The following WDR27 variants were observed in gnomAD, a reference collection of about 807,000 sequenced individuals.
The protein encoded by WDR27 is WD repeat-containing protein 27.
WDR27 carries 100 observed loss-of-function variants against 114.4 expected under a neutral mutation model. That is an observed-to-expected ratio of 0.87 (90% confidence interval 0.74 to 1.03). The LOEUF (loss-of-function observed/expected upper bound fraction) is 1.03, where lower values mean the gene tolerates loss of function less well. Ranked by LOEUF, WDR27 falls within the 50% of genes least tolerant of loss-of-function variation. The pLI, the probability that WDR27 is intolerant of heterozygous loss-of-function variation, is 0.00. For synonymous variants in WDR27, 449 were observed against 423.1 expected (o/e 1.06, Z -0.75); for missense variants, 1,129 against 1,092.9 (o/e 1.03, Z -0.47).
chr6:169,498,613 T>C (rs539509913), intron 25 of WDR27, among the ~76,000 whole-genome samples: 2 of 152,286 alleles, frequency 1.3e-5, no homozygotes, highest in African/African-American at 4.8e-5. Context: ...TTGGTCTCCA[T>C]CAGAATCAAA....
At chr6:169,616,766 A>G (rs901488463) in intron 21 of WDR27, among the ~76,000 whole-genome samples, 2 of 152,170 alleles carry the variant, frequency 1.3e-5, no homozygotes, top group African/African-American at 4.8e-5. Context: ...ATACCAAGAA[A>G]ATCAATACTA....
At chr6:169,626,830 A>T (rs150521964) in intron 21 of WDR27, among the ~76,000 whole-genome samples, 94 of 152,340 alleles carry the variant, frequency 6.2e-4, no homozygotes, top group Non-Finnish European at 1.0e-3. Context: ...TGTGTAAAAC[A>T]GATAAAGGCA....
At chr6:169,563,437 G>T (rs1076684) in intron 25 of WDR27, among the ~76,000 whole-genome samples, 2,464 of 152,238 alleles carry the variant, frequency 0.016, 62 homozygotes, top group African/African-American at 0.057. Flanking sequence ...ACCCAACTTG[G>T]CTTCAACTCC....
chr6:169,540,474 G>C (rs1390926853), intron 25 of WDR27, among the ~76,000 whole-genome samples: 1 of 151,302 alleles, frequency 6.6e-6, no homozygotes, highest in Non-Finnish European at 1.5e-5. Flanking sequence ...CTGTCACCCA[G>C]GCTGGAGTGC....
the WDR27 span, among the ~76,000 whole-genome samples, chr6:169,436,945 C>T: frequency 5.3e-5 from 8 of 151,816 alleles, no homozygotes; most frequent in Non-Finnish European, 8.8e-5. Context: ...AAATTTCTTC[C>T]TGGGTATTTA....
rs759741353 is a variant in WDR27 at position 169,659,083 on chromosome 6, T to C, written c.1319+3A>G. On this transcript the variant is annotated splice_donor_region_variant and intron_variant, in intron 12 of 25. Coordinates refer to ENST00000448612, the MANE Select transcript of WDR27 (RefSeq NM_182552.5). This position sits in a 1 kb window ranked among gnomAD's most constrained non-coding sequence, Gnocchi z 4.3. ...ACACACTCCACACTTGAAGACACTC[T>C]ACCTGGCTGGCACCGAGAGGCTCTG... The C allele has an allele frequency of 2.6e-6, 4 of 1,544,606 alleles. No homozygotes were observed. Among genetic ancestry groups the C allele is most frequent in the Non-Finnish European group, 3.5e-6 (4 of 1,148,318 alleles).
chr6:169,451,917 CT>C, the WDR27 span, among the ~76,000 whole-genome samples: 1 of 152,090 alleles, frequency 6.6e-6, no homozygotes, highest in African/African-American at 2.4e-5. Context: ...TAACACACGT[CT>C]TTTGGCTGAT....
chr6:169,648,387 A>G (rs1473221519), intron 15 of WDR27, among the ~76,000 whole-genome samples: 1 of 152,240 alleles, frequency 6.6e-6, no homozygotes, highest in African/African-American at 2.4e-5. Context: ...AATGCAGAAG[A>G]GCCAGCGTGC....
chr6:169,452,533 CCG>C (rs1784196086), downstream of WDR27, among the ~76,000 whole-genome samples: 5 of 72,328 alleles, frequency 6.9e-5, no homozygotes, highest in East Asian at 6.5e-4. Context: ...CAGAGAGGAG[CCG>C]TGCGTGGGGT....
At chr6:169,559,802 T>A (rs902599923) in intron 25 of WDR27, 2 of 152,208 alleles carry the variant, frequency 1.3e-5, no homozygotes, top group Admixed American at 1.3e-4. Flanking sequence ...GGTGCGTAGG[T>A]GGGCACCATG....
At chr6:169,583,063 C>G in intron 23 of WDR27, 129 bp from the exon 24 acceptor site, 1 of 696,726 alleles carries the variant, frequency 1.4e-6, no homozygotes, top group South Asian at 1.9e-5. Flanking sequence ...AACCAAGATG[C>G]CTGACAAAAC....
chr6:169,628,870 G>C (rs1374122500), intron 21 of WDR27, among the ~76,000 whole-genome samples: 1 of 152,180 alleles, frequency 6.6e-6, no homozygotes, highest in African/African-American at 2.4e-5. Context: ...CAAAAGAACT[G>C]TGTGAGAGTA....
chr6:169,475,310 C>G (rs1562464886), intron 25 of WDR27, among the ~76,000 whole-genome samples: 3 of 152,180 alleles, frequency 2.0e-5, no homozygotes, highest in Admixed American at 2.0e-4. Context: ...AACCTCCACC[C>G]TCCCTGGATT....
At chr6:169,624,672 CA>C (rs1324097340) in intron 21 of WDR27, among the ~76,000 whole-genome samples, 1 of 152,108 alleles carries the variant, frequency 6.6e-6, no homozygotes, top group Non-Finnish European at 1.5e-5. Context: ...ATAAAGTAAC[CA>C]ATTTAATTAA....
At chr6:169,450,644 C>T in the WDR27 span, among the ~76,000 whole-genome samples, 12 of 152,300 alleles carry the variant, frequency 7.9e-5, no homozygotes, top group Middle Eastern at 6.8e-3. Context: ...TCCAGGCAGG[C>T]CCCAGAGTAC....
At chr6:169,633,103 C>A in intron 20 of WDR27, 35 bp from the exon 21 acceptor site, 1 of 1,560,800 alleles carries the variant, frequency 6.4e-7, no homozygotes, top group Admixed American at 1.7e-5. Context: ...CTTCTCAACA[C>A]TCTTACCCAT....
intron 24 of WDR27, among the ~76,000 whole-genome samples, chr6:169,578,565 G>A (rs1392966269): frequency 6.6e-6 from 1 of 152,202 alleles, no homozygotes; most frequent in Non-Finnish European, 1.5e-5. Context: ...TCCCAGGGGG[G>A]CGAAAGTGCA....
At chr6:169,660,828 C>A in intron 9 of WDR27, 62 bp from the exon 10 acceptor site, 1 of 1,462,654 alleles carries the variant, frequency 6.8e-7, no homozygotes, top group Non-Finnish European at 9.4e-7. Context: ...TTGGGCCCCA[C>A]GTGCGCCCCC....
intron 25 of WDR27, among the ~76,000 whole-genome samples, chr6:169,538,714 A>ACACACG (rs905423894): frequency 1.8e-4 from 27 of 151,012 alleles, no homozygotes; most frequent in African/African-American, 3.4e-4. Flanking sequence ...ACACACACAC[A>ACACACG]CACACACACA....
Sources: allele counts gnomAD v4.1 joint callset (sites outside exome capture counted in the v4.1 genomes callset), GRCh38; gene constraint gnomAD v4.1.1; non-coding constraint Gnocchi (gnomAD v3.1); transcripts MANE v1.5; gene names NCBI Gene and HGNC (gene_info 2026-07-23, HGNC 2026-07-21).